Variants in FAM227B observed in about 807,000 individuals in gnomAD.
FAM227B encodes protein FAM227B.
Under a neutral mutation model 73.8 loss-of-function variants are expected in FAM227B, and 88 were observed. The ratio of observed to expected loss-of-function variants is 1.19; its 90% confidence interval spans 1.00 to 1.42. The LOEUF (loss-of-function observed/expected upper bound fraction) is 1.42. FAM227B is among the 40% of genes most tolerant of loss of function. FAM227B has a pLI of 0.00. For missense variants in FAM227B, 632 were observed against 590.9 expected (o/e 1.07, Z -0.72); for synonymous variants, 210 against 190.5 (o/e 1.10, Z -0.84).
At chr15:49,375,389 G>T (rs1178283805) in intron 11 of FAM227B, among the ~76,000 whole-genome samples, 6 of 152,244 alleles carry the variant, frequency 3.9e-5, no homozygotes, top group African/African-American at 1.4e-4. Context: ...ATTTTTGGGA[G>T]TTACTTTTAT....
intron 11 of FAM227B, among the ~76,000 whole-genome samples, chr15:49,409,939 C>G (rs1427668138): frequency 1.3e-5 from 2 of 152,130 alleles, no homozygotes; most frequent in Non-Finnish European, 2.9e-5. Flanking sequence ...TTTCTGTTTT[C>G]TACTGTATTC....
At chr15:49,457,843 C>T (rs1417845510) in intron 11 of FAM227B, among the ~76,000 whole-genome samples, 1 of 151,792 alleles carries the variant, frequency 6.6e-6, no homozygotes, top group Admixed American at 6.6e-5. Context: ...TTTTGGAAAG[C>T]GTTCATAATG....
intron 10 of FAM227B, among the ~76,000 whole-genome samples, chr15:49,533,859 T>C (rs1184357734): frequency 6.6e-6 from 1 of 151,996 alleles, no homozygotes; most frequent in East Asian, 1.9e-4. Context: ...TTGTAATCCA[T>C]TTAAATTCAA....
intron 11 of FAM227B, among the ~76,000 whole-genome samples, chr15:49,500,418 C>T (rs988398319): frequency 2.0e-5 from 3 of 152,212 alleles, no homozygotes; most frequent in Admixed American, 6.5e-5. Flanking sequence ...TCCTTTGCAC[C>T]AGTGTGCCCT....
chr15:49,607,554 T>C (rs1567694334), intron 3 of FAM227B, among the ~76,000 whole-genome samples: 1 of 152,186 alleles, frequency 6.6e-6, no homozygotes, highest in Non-Finnish European at 1.5e-5. Context: ...TTTGAAAAGA[T>C]GTTATAATAT....
At chr15:49,559,493 T>A (rs936105250) in intron 9 of FAM227B, among the ~76,000 whole-genome samples, 1 of 152,084 alleles carries the variant, frequency 6.6e-6, no homozygotes, top group Non-Finnish European at 1.5e-5. Flanking sequence ...ACTGACCAAC[T>A]TCTAGGTCAA....
At chr15:49,463,616 A>G (rs145521945) in intron 11 of FAM227B, among the ~76,000 whole-genome samples, 193 of 151,550 alleles carry the variant, frequency 1.3e-3, no homozygotes, top group African/African-American at 4.5e-3. Context: ...AGCCCTGCCT[A>G]TATTTCTTAT....
At chr15:49,332,519 C>A (rs2038980757) in intron 14 of FAM227B, among the ~76,000 whole-genome samples, 1 of 152,076 alleles carries the variant, frequency 6.6e-6, no homozygotes, top group Admixed American at 6.5e-5. Flanking sequence ...CAGCAGGAAC[C>A]TTTCCAGAGA....
chr15:49,502,662 C>G (rs559363629), intron 11 of FAM227B, among the ~76,000 whole-genome samples: 16 of 152,188 alleles, frequency 1.1e-4, no homozygotes, highest in African/African-American at 3.9e-4. Context: ...TGAGTTAATG[C>G]TGGAATGAGT....
intron 11 of FAM227B, among the ~76,000 whole-genome samples, chr15:49,435,738 T>C (rs981353828): frequency 2.0e-5 from 3 of 151,544 alleles, no homozygotes; most frequent in African/African-American, 7.3e-5. Context: ...TGTTGTAATT[T>C]AAAATTTATG....
intron 11 of FAM227B, among the ~76,000 whole-genome samples, chr15:49,449,667 T>TC (rs897576939): frequency 6.6e-6 from 1 of 152,074 alleles, no homozygotes; most frequent in Admixed American, 6.6e-5. Flanking sequence ...CTTAAGCTTG[T>TC]CCAGGTCCCT....
intron 13 of FAM227B, among the ~76,000 whole-genome samples, chr15:49,348,592 T>C (rs1484043692): frequency 2.0e-5 from 3 of 152,204 alleles, no homozygotes; most frequent in African/African-American, 7.2e-5. Context: ...CTGGAAGTGA[T>C]TTTTGTGGGG....
chr15:49,511,651 G>A (rs951652826), intron 10 of FAM227B, among the ~76,000 whole-genome samples: 3 of 151,992 alleles, frequency 2.0e-5, no homozygotes, highest in Non-Finnish European at 4.4e-5. Context: ...TTGTTCCCCT[G>A]CATATGTCCT....
At chr15:49,345,565 C>T (rs1030361986) in intron 13 of FAM227B, among the ~76,000 whole-genome samples, 1 of 152,210 alleles carries the variant, frequency 6.6e-6, no homozygotes, top group Non-Finnish European at 1.5e-5. Flanking sequence ...TGGTTATATT[C>T]TACTCCTTGG....
chr15:49,333,525 G>A (rs1157058290), intron 14 of FAM227B, among the ~76,000 whole-genome samples: 1 of 152,200 alleles, frequency 6.6e-6, no homozygotes, highest in Admixed American at 6.5e-5. Context: ...GAGTCACCCG[G>A]AATGGAACCT....
At chr15:49,615,347 G>A (rs1000541927) in intron 1 of FAM227B, 104 bp from the exon 2 acceptor site, 1 of 625,368 alleles carries the variant, frequency 1.6e-6, no homozygotes, top group Non-Finnish European at 2.9e-6. Context: ...AAGTCAGATA[G>A]TTTGGCTCTG....
At chr15:49,512,049 C>G (rs1183017795) in intron 10 of FAM227B, among the ~76,000 whole-genome samples, 2 of 151,980 alleles carry the variant, frequency 1.3e-5, no homozygotes, top group Admixed American at 6.6e-5. Flanking sequence ...GCACATATTT[C>G]TTTTTATTAT....
intron 9 of FAM227B, among the ~76,000 whole-genome samples, chr15:49,550,309 G>T (rs28635730): frequency 0.17 from 23,684 of 139,950 alleles, 2,333 homozygotes; most frequent in Non-Finnish European, 0.23. Context: ...TCACCTCCCG[G>T]ACGGGGCGGC....
intron 13 of FAM227B, among the ~76,000 whole-genome samples, chr15:49,340,073 T>C (rs1394057557): frequency 6.6e-6 from 1 of 152,190 alleles, no homozygotes; most frequent in Non-Finnish European, 1.5e-5. Context: ...TGGGACCCGC[T>C]GAGCCAGACC....
Sources: allele counts gnomAD v4.1 joint callset (sites outside exome capture counted in the v4.1 genomes callset), GRCh38; gene constraint gnomAD v4.1.1; transcripts MANE v1.5; gene names NCBI Gene and HGNC (gene_info 2026-07-23, HGNC 2026-07-21).